Variants in HAGH observed in about 807,000 individuals in gnomAD.
HAGH encodes hydroxyacylglutathione hydrolase, mitochondrial.
Under a neutral mutation model 35.1 loss-of-function variants are expected in HAGH, and 29 were observed. That is an observed-to-expected ratio of 0.83 (90% confidence interval 0.62 to 1.13). The LOEUF is 1.13. Among genes scored for constraint, HAGH ranks in the 50% most tolerant of loss-of-function variants. HAGH has a pLI of 0.00. For missense variants in HAGH, 478 were observed against 419.6 expected, an observed-to-expected ratio of 1.14 and a Z score of -1.22; for synonymous variants, 225 against 176.1, an observed-to-expected ratio of 1.28 and a Z score of -2.20.
Position 1,808,164 on chromosome 16 carries a change from G to A in HAGH, c.*1119C>T, listed in dbSNP as rs1316736966. ...TCCCTGTTCCCCAAGCCAGAATGCAGTGGCACAAGCAATGCTCACTGCAGC... is the reference window on the plus strand; with the variant it reads ...TCCCTGTTCCCCAAGCCAGAATGCAATGGCACAAGCAATGCTCACTGCAGC... On this transcript the variant is annotated 3_prime_UTR_variant, in exon 9 of 9. Coordinates refer to ENST00000397356, the MANE Select transcript of HAGH (RefSeq NM_005326.6). 6.6e-6 allele frequency: 1 copy of A among 152,244 alleles called. No individual in the cohort carries two copies. The highest frequency in any genetic ancestry group is 1.9e-4 in the East Asian group (1 of 5,202). 9.4% of individuals were successfully genotyped at this position (152,244 alleles called of 1,614,324 possible).
intron 7 of HAGH, among the ~76,000 whole-genome samples, chr16:1,816,307 C>G (rs1193087637): frequency 2.0e-5 from 3 of 151,756 alleles, no homozygotes; most frequent in Non-Finnish European, 4.4e-5. Context: ...AACCTCTACT[C>G]TAAGAAATTG....
chr16:1,825,954 A>G (rs1898388260), intron 1 of HAGH, among the ~76,000 whole-genome samples: 1 of 152,170 alleles, frequency 6.6e-6, no homozygotes, highest in Non-Finnish European at 1.5e-5. Context: ...CTCCCTTAGA[A>G]TGGGGTACGC....
At chr16:1,812,514 A>AAAAAC (rs1555466963) in intron 7 of HAGH, 1 of 3,420 alleles carries the variant, frequency 2.9e-4, no homozygotes, top group East Asian at 7.4e-3. Flanking sequence ...CAAAAAAAAA[A>AAAAAC]AAAAACAAAA....
intron 5 of HAGH, chr16:1,818,721 C>T (rs1429181407): frequency 5.4e-6 from 1 of 183,656 alleles, no homozygotes; most frequent in Non-Finnish European, 1.1e-5. Context: ...CACAGGTCTG[C>T]AACCACCCTG....
chr16:1,826,503 T>G, intron 1 of HAGH: 1 of 959,468 alleles, frequency 1.0e-6, no homozygotes, highest in Non-Finnish European at 1.2e-6. Flanking sequence ...CTGGCCCTGC[T>G]TACCTAGCGC....
rs143900953 is a variant in HAGH at position 1,815,848 on chromosome 16, A to G, written c.747+1045T>C. 6.3e-4 allele frequency among the ~76,000 whole-genome samples: 96 copies of G among 151,620 alleles called. No homozygotes were observed. In the East Asian group the frequency reaches 0.014, roughly 23 times the overall value. The stretch of plus-strand genomic sequence containing the variant: ...AGCCTGGCCAACATGGCAAAACCCT[A>G]TCTCTACTAAAAGTAGAAAAATTAG... On this transcript the variant is annotated intron_variant, in intron 7 of 8. Transcript: ENST00000397356.
intron 7 of HAGH, among the ~76,000 whole-genome samples, chr16:1,813,516 G>A (rs973679455): frequency 6.6e-6 from 1 of 152,108 alleles, no homozygotes; most frequent in Non-Finnish European, 1.5e-5. Context: ...AAGTGCTTAG[G>A]GATCCATTTA....
At position 1,825,085 on chromosome 16, in the gene HAGH, G is replaced by C. The variant is rs558762491; in HGVS notation, c.76+1627C>G. On this transcript the variant is annotated intron_variant, in intron 1 of 8. Coordinates refer to ENST00000397356, the MANE Select transcript of HAGH (RefSeq NM_005326.6). ...TGTCATCCCAGCACTTTGGGAGGCC[G>C]AGGCGGGCGGATCGCGGGGTCAGGA... Among the ~76,000 whole-genome samples, 22 of 152,330 alleles carry C rather than the reference G, an allele frequency of 1.4e-4. 1 individual carries two copies. The highest frequency in any genetic ancestry group is 5.9e-4 in the Admixed American group (9 of 15,310).
chr16:1,826,439 C>G (rs1007305234), intron 1 of HAGH: 17 of 464,138 alleles, frequency 3.7e-5, no homozygotes, highest in Non-Finnish European at 4.8e-5. Flanking sequence ...GCCCTGGAGG[C>G]GTCAGGGGCG....
chr16:1,819,160 A>C lies in HAGH; in HGVS notation c.496T>G (p.Phe166Val), dbSNP rs1898035751. The C allele has an allele frequency of 6.2e-7, 1 of 1,613,234 alleles. No homozygotes were observed. Among genetic ancestry groups the C allele is most frequent in the African/African-American group, 1.3e-5 (1 of 74,938 alleles). Reference sequence around the variant, plus strand: ...TCCGAGCCTCCGGGCTTGCTCACGAAGTAACAAATGTGTCCTGAAGTGTGG... The same window carrying C: ...TCCGAGCCTCCGGGCTTGCTCACGACGTAACAAATGTGTCCTGAAGTGTGG... ...PCHTSGHICY[F>V]VSKPGGSEPP... The change falls in exon 5 of 9, where the codon TTC (phenylalanine) becomes GTC (valine). Residue 166 changes from phenylalanine to valine, a missense_variant. Transcript: ENST00000397356.
At chr16:1,819,683 C>T (rs1225713383) in intron 4 of HAGH, among the ~76,000 whole-genome samples, 1 of 152,206 alleles carries the variant, frequency 6.6e-6, no homozygotes, top group East Asian at 1.9e-4. Flanking sequence ...CCCAGGGTCT[C>T]AGAGCCCTGC....
intron 2 of HAGH, 53 bp downstream of exon 2, chr16:1,822,812 G>A (rs1283798560): frequency 6.7e-7 from 1 of 1,500,786 alleles, no homozygotes; most frequent in African/African-American, 1.4e-5. Flanking sequence ...TCGGGGGTGA[G>A]GACTCCGAGC....
chr16:1,819,924 G>C lies in HAGH; in HGVS notation c.405C>G (p.His135Gln), dbSNP rs1350901755. The C allele has an allele frequency of 1.9e-6, 3 of 1,611,488 alleles. 1 individual carries two copies. In the Admixed American group the frequency reaches 5.0e-5, roughly 27 times the overall value. ...GCAGTGTGGACAGGTGAGTGATCTT[G>C]TGAGTCAGGGCCCCGATACGGTCGT... ...GGDDRIGALT[H>Q]KITHLSTLQV... The change falls in exon 4 of 9, where the codon CAC becomes CAG. Residue 135 changes from histidine (H) to glutamine (Q), a missense_variant. Coordinates refer to ENST00000397356, the MANE Select transcript of HAGH (RefSeq NM_005326.6).
At chr16:1,820,479 G>A (rs1455023648) in intron 3 of HAGH, among the ~76,000 whole-genome samples, 2 of 152,156 alleles carry the variant, frequency 1.3e-5, no homozygotes, top group African/African-American at 4.8e-5. Flanking sequence ...TCTGGCAGGA[G>A]ATCAAACTGT....
At chr16:1,809,691 G>A (rs758528646) in intron 8 of HAGH, 63 bp downstream of exon 8, 61 of 1,160,538 alleles carry the variant, frequency 5.3e-5, no homozygotes, top group Non-Finnish European at 7.9e-5. Context: ...TACCGGCTGT[G>A]TGTGCAGCAG....
chr16:1,823,248 A>G (rs1289034057), intron 1 of HAGH, among the ~76,000 whole-genome samples: 3 of 150,828 alleles, frequency 2.0e-5, no homozygotes, highest in African/African-American at 7.3e-5. Context: ...CCTGGGCAAC[A>G]TAGCAAGACC....
At chr16:1,820,707 C>T (rs1245799404) in intron 3 of HAGH, among the ~76,000 whole-genome samples, 1 of 152,134 alleles carries the variant, frequency 6.6e-6, no homozygotes, top group Non-Finnish European at 1.5e-5. Context: ...CCTTCGTGTG[C>T]CTCCCATGAA....
At chr16:1,817,332 G>A (rs1224737058) in intron 5 of HAGH, 61 bp from the exon 6 acceptor site, 4 of 1,061,942 alleles carry the variant, frequency 3.8e-6, no homozygotes, top group East Asian at 2.4e-5. Context: ...GGACTCAGGA[G>A]GGGGCCAGGA....
At chr16:1,817,380 C>T in intron 5 of HAGH, 109 bp from the exon 6 acceptor site, 2 of 734,414 alleles carry the variant, frequency 2.7e-6, no homozygotes, top group Non-Finnish European at 4.9e-6. Context: ...AGGCCCCGAA[C>T]CCTGGCTGCC....
Sources: allele counts gnomAD v4.1 joint callset (sites outside exome capture counted in the v4.1 genomes callset), GRCh38; gene constraint gnomAD v4.1.1; transcripts MANE v1.5; gene names NCBI Gene and HGNC (gene_info 2026-07-23, HGNC 2026-07-21).